The following TRMT9B variants were observed in gnomAD, a reference collection of about 807,000 sequenced individuals.
The protein encoded by TRMT9B is probable tRNA methyltransferase 9B.
Under a neutral mutation model 11.5 loss-of-function variants are expected in TRMT9B, and 16 were observed. The observed-to-expected ratio is 1.39, with a 90% CI of 0.94 to 2.11. TRMT9B has a LOEUF of 2.11. TRMT9B is among the 30% of genes most tolerant of loss of function. The probability of loss-of-function intolerance (pLI) is 0.00; values close to 1 mark genes in which losing one functional copy is unlikely to be tolerated. For missense variants in TRMT9B, 941 were observed against 553.8 expected (o/e 1.70, Z -7.02); for synonymous variants, 274 against 192.4 (o/e 1.42, Z -3.51).
intron 1 of TRMT9B, among the ~76,000 whole-genome samples, chr8:12,968,682 C>T (rs1231958302): frequency 6.6e-6 from 1 of 152,182 alleles, no homozygotes; most frequent in African/African-American, 2.4e-5. Context: ...ACAGCCTGAG[C>T]AGCTGGCAGT....
At chr8:12,965,884 G>T (rs866784383) in intron 1 of TRMT9B, among the ~76,000 whole-genome samples, 1 of 151,776 alleles carries the variant, frequency 6.6e-6, no homozygotes, top group Non-Finnish European at 1.5e-5. Context: ...GTGGTGGCGG[G>T]CACCTGTAGT....
At chr8:12,992,953 A>T (rs558600187) in intron 2 of TRMT9B, among the ~76,000 whole-genome samples, 2 of 152,338 alleles carry the variant, frequency 1.3e-5, no homozygotes, top group South Asian at 4.1e-4. Flanking sequence ...GGAGGAAGAA[A>T]CTGTGCTAGA....
chr8:13,023,029 A>G lies in TRMT9B; in HGVS notation c.*985A>G, dbSNP rs75221088. 28,662 of 166,974 alleles carry G rather than the reference A, an allele frequency of 0.17. 2,652 individuals carry two copies. Among genetic ancestry groups the G allele is most frequent in the African/African-American group, 0.23 (9,561 of 41,486 alleles). 10.3% of individuals were successfully genotyped at this position (166,974 alleles called of 1,614,324 possible). A position where few individuals can be genotyped will look rare whatever the true frequency, so the allele number is the denominator to read the frequency against. ...ATAAAGGCGTTGTTAGCTTGTAAGG[A>G]GTGGAGTATGTAGGTAGTAGGAGTT... On this transcript the variant is annotated 3_prime_UTR_variant, in exon 5 of 5. Coordinates refer to ENST00000524591, the MANE Select transcript of TRMT9B (RefSeq NM_020844.3).
At chr8:12,985,201 G>C (rs1209917520) in intron 1 of TRMT9B, among the ~76,000 whole-genome samples, 1 of 152,050 alleles carries the variant, frequency 6.6e-6, no homozygotes, top group African/African-American at 2.4e-5. Context: ...CATGTTTATC[G>C]GGGGTAACTT....
At chr8:12,951,859 G>C (rs1042993561) in intron 1 of TRMT9B, 3 of 151,798 alleles carry the variant, frequency 2.0e-5, no homozygotes, top group Non-Finnish European at 4.4e-5. Context: ...GCGGCGGGAA[G>C]AAGGGCTAGC....
chr8:12,996,036 G>T (rs1232501529), intron 2 of TRMT9B, among the ~76,000 whole-genome samples: 1 of 152,170 alleles, frequency 6.6e-6, no homozygotes, highest in Non-Finnish European at 1.5e-5. Context: ...GATAATTAGA[G>T]AATGAAGGTA....
intron 1 of TRMT9B, among the ~76,000 whole-genome samples, chr8:12,954,210 T>C (rs1801006358): frequency 6.6e-6 from 1 of 152,216 alleles, no homozygotes; most frequent in Non-Finnish European, 1.5e-5. Flanking sequence ...CAGCGAAATC[T>C]TACTGGAGAT....
chr8:13,017,814 G>C (rs1813020004), intron 4 of TRMT9B, among the ~76,000 whole-genome samples: 1 of 151,040 alleles, frequency 6.6e-6, no homozygotes. Context: ...GGTAGAGATG[G>C]GGTTTCACTA....
chr8:13,028,938 C>A lies in TRMT9B; in HGVS notation c.*6894C>A, dbSNP rs1224605846. On this transcript the variant is annotated 3_prime_UTR_variant, in exon 5 of 5. Transcript: ENST00000524591. The stretch of plus-strand genomic sequence containing the variant: ...AAAACGCTGGCAATACATTAAGGCT[C>A]ACTAATGTGGACCTAAGTGAGTATC... The A allele has an allele frequency of 6.0e-6, 1 of 166,984 alleles. No individual in the cohort carries two copies. The highest frequency in any genetic ancestry group is 6.6e-5 in the Admixed American group (1 of 15,264). 10.3% of individuals were successfully genotyped at this position (166,984 alleles called of 1,614,324 possible).
intron 2 of TRMT9B, among the ~76,000 whole-genome samples, chr8:13,003,784 C>A (rs904002103): frequency 6.6e-6 from 1 of 150,592 alleles, no homozygotes; most frequent in African/African-American, 2.4e-5. Context: ...ACTCCGCCAC[C>A]CTCCCCACAA....
intron 1 of TRMT9B, among the ~76,000 whole-genome samples, chr8:12,955,862 C>T (rs957727693): frequency 2.0e-5 from 3 of 152,086 alleles, no homozygotes; most frequent in African/African-American, 4.8e-5. Flanking sequence ...GCTTGATGGG[C>T]CCCCAGGGTT....
intron 4 of TRMT9B, among the ~76,000 whole-genome samples, chr8:13,015,224 T>C (rs1812412023): frequency 6.6e-6 from 1 of 152,098 alleles, no homozygotes; most frequent in Non-Finnish European, 1.5e-5. Flanking sequence ...CAAGAATTTT[T>C]TATTTTTATT....
chr8:12,971,735 T>A (rs1466806087), intron 1 of TRMT9B, among the ~76,000 whole-genome samples: 2 of 152,222 alleles, frequency 1.3e-5, no homozygotes. Context: ...TTCAGCTACT[T>A]ATTTTCCTCC....
chr8:12,970,105 G>A (rs1200828960), intron 1 of TRMT9B: 2 of 152,060 alleles, frequency 1.3e-5, no homozygotes, highest in Admixed American at 6.6e-5. Flanking sequence ...ATAAACTTTA[G>A]CCCCTCACCT....
intron 1 of TRMT9B, among the ~76,000 whole-genome samples, chr8:12,982,390 G>A (rs547415126): frequency 2.6e-5 from 4 of 152,280 alleles, no homozygotes; most frequent in South Asian, 2.1e-4. Flanking sequence ...GGTCAGACAC[G>A]GTGGCTTATG....
At chr8:13,019,927 C>A (rs1188729457) in intron 4 of TRMT9B, among the ~76,000 whole-genome samples, 1 of 152,150 alleles carries the variant, frequency 6.6e-6, no homozygotes, top group Non-Finnish European at 1.5e-5. Flanking sequence ...GGTAGAGATA[C>A]CAAGGTTTGT....
rs764782376 is a variant in TRMT9B, at chr8:12,990,839, G to C, written c.-194G>C. 3.1e-6 allele frequency: 4 copies of C among 1,289,160 alleles called. No homozygotes were observed. In the South Asian group the frequency reaches 4.9e-5, roughly 16 times the overall value. 79.9% of individuals were successfully genotyped at this position (1,289,160 alleles called of 1,614,324 possible). ...ATTTGTTTTCTTCCTGATAGGGCCT[G>C]TGCTTCCTTCAGAGACTCACACAAG... On this transcript the variant is annotated 5_prime_UTR_variant, in exon 2 of 5. Coordinates refer to ENST00000524591, the MANE Select transcript of TRMT9B (RefSeq NM_020844.3).
At chr8:13,017,234 C>A (rs1812894803) in intron 4 of TRMT9B, among the ~76,000 whole-genome samples, 1 of 152,128 alleles carries the variant, frequency 6.6e-6, no homozygotes, top group Admixed American at 6.5e-5. Context: ...AGAGGCGAGG[C>A]ATGTACACTT....
chr8:12,947,770 G>C (rs1268220339), intron 1 of TRMT9B, among the ~76,000 whole-genome samples: 1 of 152,238 alleles, frequency 6.6e-6, no homozygotes, highest in East Asian at 1.9e-4. Context: ...ATAAGCTGGA[G>C]AAATTTCATG....
Sources: allele counts gnomAD v4.1 joint callset (sites outside exome capture counted in the v4.1 genomes callset), GRCh38; gene constraint gnomAD v4.1.1; transcripts MANE v1.5; gene names NCBI Gene and HGNC (gene_info 2026-07-23, HGNC 2026-07-21).